The following CCR9 variants were observed in gnomAD, a reference collection of about 807,000 sequenced individuals.
CCR9 encodes the protein C-C chemokine receptor type 9.
CCR9 carries 4 observed loss-of-function variants against 8.7 expected under a neutral mutation model. The ratio of observed to expected loss-of-function variants is 0.46; its 90% CI spans 0.23 to 1.06. The LOEUF (loss-of-function observed/expected upper bound fraction) is 1.06. Ranked by LOEUF, CCR9 falls within the 50% of genes least tolerant of loss-of-function variation. The pLI is 0.21. For synonymous variants in CCR9, 159 were observed against 168.8 expected, an observed-to-expected ratio of 0.94 and a Z score of 0.45; for missense variants, 394 against 453.6, an observed-to-expected ratio of 0.87 and a Z score of 1.19.
Position 45,902,138 on chromosome 3 carries a change from T to C in CCR9, c.*240T>C, listed in dbSNP as rs200524594. On this transcript the variant is annotated 3_prime_UTR_variant, in exon 3 of 3. Transcript: ENST00000357632. ...ATGCCCGCAATTCTCAAAGGAGGAC[T>C]AAGGACCGGCACTGTGGAGCACCCT... The C allele has an allele frequency of 8.9e-6, 4 of 449,906 alleles. No individual in the cohort carries two copies. The East Asian group carries it at 1.5e-4, about 17-fold the overall frequency. The allele number at this position is 449,906 out of a possible 1,614,324, so 27.9% of individuals were successfully genotyped here. A position where few individuals can be genotyped will look rare whatever the true frequency, so the allele number is the denominator to read the frequency against.
rs72884914 is a variant in CCR9, at chr3:45,890,412, G to A, written c.-29+3757G>A. Among the ~76,000 whole-genome samples the A allele has an allele frequency of 5.3e-3, 672 of 127,640 alleles. 19 individuals are homozygous for A. Among genetic ancestry groups the A allele is most frequent in the African/African-American group, 0.02 (639 of 32,386 alleles). The allele number at this position is 127,640 out of a possible 152,430, so 83.7% of individuals were successfully genotyped here. A position where few individuals can be genotyped will look rare whatever the true frequency, so the allele number is the denominator to read the frequency against. ...ATTGATATCTCAAAAATCAACCTCC[G>A]TATTCCCCAAGCTGTAATAAAATAA... On this transcript the variant is annotated intron_variant, in intron 1 of 2. Transcript: ENST00000357632.
At chr3:45,894,875 G>C in intron 1 of CCR9, 31 bp from the exon 2 acceptor site, 2 of 1,553,950 alleles carry the variant, frequency 1.3e-6, no homozygotes, top group South Asian at 2.2e-5. Flanking sequence ...TTACAAGCCA[G>C]TCCACTTTTT....
At chr3:45,888,204 C>G (rs2125737019) in intron 1 of CCR9, among the ~76,000 whole-genome samples, 1 of 152,300 alleles carries the variant, frequency 6.6e-6, no homozygotes, top group South Asian at 2.1e-4. Flanking sequence ...TGCACATACC[C>G]CATGCTTTCT....
chr3:45,895,043 G>A, intron 2 of CCR9, 89 bp downstream of exon 2: 2 of 1,319,856 alleles, frequency 1.5e-6, no homozygotes, highest in East Asian at 2.3e-5. Flanking sequence ...TGTGGGGGAA[G>A]GATTTATCTG....
At chr3:45,886,852 G>A (rs1701994839) in intron 1 of CCR9, among the ~76,000 whole-genome samples, 197 bp downstream of exon 1, 2 of 152,114 alleles carry the variant, frequency 1.3e-5, no homozygotes, top group South Asian at 4.1e-4. Context: ...TGTAGGGCGA[G>A]TAATAAAACT....
At position 45,901,085 on chromosome 3, in the gene CCR9, C is replaced by T. The variant is rs1702539404; in HGVS notation, c.297C>T (p.Val99=). The T allele has an allele frequency of 6.2e-7, 1 of 1,614,134 alleles. No homozygotes were observed. The highest frequency in any genetic ancestry group is 2.2e-5 in the East Asian group (1 of 44,882). Residue 99 remains valine (V), a synonymous_variant, in exon 3 of 3, where the codon GTC becomes GTT. Transcript: ENST00000357632. This position sits in a 1 kb window ranked among gnomAD's most constrained non-coding sequence, Gnocchi z 4.3. Reference sequence around the variant, plus strand: ...CAATTGCTGACCTCCTCTTTCTTGTCACTCTTCCCTTCTGGGCCATTGCTG... The same window carrying T: ...CAATTGCTGACCTCCTCTTTCTTGTTACTCTTCCCTTCTGGGCCATTGCTG... The part of the protein sequence containing the change: ...NLAIADLLFL[V]TLPFWAIAAA...
chr3:45,898,009 A>G (rs1433010255), intron 2 of CCR9, among the ~76,000 whole-genome samples: 2 of 151,638 alleles, frequency 1.3e-5, no homozygotes, highest in East Asian at 3.9e-4. Flanking sequence ...AAAACACAAA[A>G]CACCAACCCA....
Position 45,901,635 on chromosome 3 carries a change from G to A in CCR9, c.847G>A (p.Ala283Thr). 3 of 1,614,184 alleles carry A rather than the reference G, an allele frequency of 1.9e-6. No individual in the cohort carries two copies. The highest frequency in any genetic ancestry group is 2.7e-5 in the African/African-American group (2 of 75,050). The stretch of plus-strand genomic sequence containing the variant: ...GTTGGTGCAGACCATTGACGCCTAT[G>A]CCATGTTCATCTCCAACTGTGCCGT... ...ILLVQTIDAY[A>T]MFISNCAVST... The change falls in exon 3 of 3, where the codon GCC (alanine) becomes ACC (threonine). Residue 283 changes from alanine to threonine, a missense_variant. Transcript: ENST00000357632. The surrounding 1 kb of genome is among the most constrained non-coding windows in gnomAD (Gnocchi z 4.3).
chr3:45,901,076 CT>C lies in CCR9; in HGVS notation c.291del (p.Val99SerfsTer30), dbSNP rs1330483009. 3.7e-6 allele frequency: 6 copies of C among 1,614,084 alleles called. No individual in the cohort carries two copies. Among genetic ancestry groups the C allele is most frequent in the Non-Finnish European group, 5.1e-6 (6 of 1,180,042 alleles). Reference sequence around the variant, plus strand: ...TGAATTTGGCAATTGCTGACCTCCTCTTTCTTGTCACTCTTCCCTTCTGGGC... The same window carrying C: ...TGAATTTGGCAATTGCTGACCTCCTCTTCTTGTCACTCTTCCCTTCTGGGC... ...LLNLAIADLL[F>X]LVTLPFWAIA... is the part of the protein sequence containing the mutation. On this transcript the variant is annotated frameshift_variant, in exon 3 of 3. Coordinates refer to ENST00000357632, the MANE Select transcript of CCR9 (RefSeq NM_031200.3). LOFTEE classifies it low-confidence loss of function (END_TRUNC). This position sits in a 1 kb window ranked among gnomAD's most constrained non-coding sequence, Gnocchi z 4.3.
chr3:45,895,064 C>G (rs1702309905), intron 2 of CCR9, 110 bp downstream of exon 2: 7 of 1,191,420 alleles, frequency 5.9e-6, no homozygotes, highest in Middle Eastern at 1.9e-4. Context: ...TGTGGTTTCC[C>G]AGGGTAAGAT....
Position 45,897,875 on chromosome 3 carries a change from A to G in CCR9, c.21+2921A>G, listed in dbSNP as rs997331005. Among the ~76,000 whole-genome samples the G allele has an allele frequency of 9.9e-5, 15 of 151,344 alleles. 1 individual carries two copies. The highest frequency in any genetic ancestry group is 9.9e-4 in the Admixed American group (15 of 15,142). ...CTTGCTGGACCGGAGAAGCAACTCC[A>G]GGCAGCAAGACCCCTGGGCCCTCAT... On this transcript the variant is annotated intron_variant, in intron 2 of 2. Transcript: ENST00000357632.
At chr3:45,886,864 C>T (rs1421771166) in intron 1 of CCR9, among the ~76,000 whole-genome samples, 1 of 152,036 alleles carries the variant, frequency 6.6e-6, no homozygotes, top group East Asian at 1.9e-4. Context: ...AATAAAACTC[C>T]CTCCCCCTTC....
At chr3:45,898,024 TAAC>T (rs1246427630) in intron 2 of CCR9, among the ~76,000 whole-genome samples, 1 of 125,618 alleles carries the variant, frequency 8.0e-6, no homozygotes, top group African/African-American at 2.9e-5. Context: ...AACCCACAAA[TAAC>T]AAAAAAAAAA....
At chr3:45,890,354 T>TATATATTTATATAA (rs1702138897) in intron 1 of CCR9, among the ~76,000 whole-genome samples, 3 of 3,360 alleles carry the variant, frequency 8.9e-4, no homozygotes, top group Non-Finnish European at 1.6e-3. Context: ...ATATAACATA[T>TATATATTTATATAA]ATATATATAT....
rs1031015447 is a variant in CCR9 at position 45,900,491 on chromosome 3, C to A, written c.22-319C>A. 6.6e-6 allele frequency among the ~76,000 whole-genome samples: 1 copy of A among 152,148 alleles called. No individual in the cohort carries two copies. The highest frequency in any genetic ancestry group is 1.5e-5 in the Non-Finnish European group (1 of 68,028). On this transcript the variant is annotated intron_variant, in intron 2 of 2. Transcript: ENST00000357632. The surrounding 1 kb of genome is among the most constrained non-coding windows in gnomAD (Gnocchi z 4.7). ...ACCCCATCAGAGCACTTGGCATGCA[C>A]ACTATAAATGTTCATTTGCGTGTCT... is the stretch of plus-strand genomic sequence containing the variant.
intron 1 of CCR9, among the ~76,000 whole-genome samples, chr3:45,889,906 C>A (rs777621637): frequency 6.6e-6 from 1 of 151,310 alleles, no homozygotes; most frequent in East Asian, 1.9e-4. Flanking sequence ...ATACCTGGAC[C>A]CTTGTGTTCT....
At chr3:45,887,510 A>T (rs982837457) in intron 1 of CCR9, among the ~76,000 whole-genome samples, 3 of 152,160 alleles carry the variant, frequency 2.0e-5, no homozygotes, top group African/African-American at 7.2e-5. Flanking sequence ...TACCCTCTTT[A>T]GTTCTGAATT....
intron 2 of CCR9, 57 bp downstream of exon 2, chr3:45,895,011 A>C: frequency 6.4e-7 from 1 of 1,554,508 alleles, no homozygotes; most frequent in Non-Finnish European, 8.9e-7. Context: ...TTCCCTTTTT[A>C]GGGGGTGTGG....
intron 1 of CCR9, among the ~76,000 whole-genome samples, chr3:45,890,271 C>T (rs376262611): frequency 0.063 from 647 of 10,288 alleles, 129 homozygotes; most frequent in South Asian, 0.21. Flanking sequence ...ATATATATAA[C>T]ATATATATAT....
Sources: allele counts gnomAD v4.1 joint callset (sites outside exome capture counted in the v4.1 genomes callset), GRCh38; gene constraint gnomAD v4.1.1; non-coding constraint Gnocchi (gnomAD v3.1); transcripts MANE v1.5; gene names NCBI Gene and HGNC (gene_info 2026-07-23, HGNC 2026-07-21).